Variants in ELAPOR1 observed in about 807,000 individuals in gnomAD.
ELAPOR1 encodes endosome/lysosome-associated apoptosis and autophagy regulator 1.
In ELAPOR1, 77 loss-of-function variants were observed where a neutral mutation model predicts 119.7. That is an observed-to-expected ratio of 0.64 (90% confidence interval 0.54 to 0.78). The LOEUF (loss-of-function observed/expected upper bound fraction) is 0.78, where lower values mean the gene tolerates loss of function less well. Among genes scored for constraint, ELAPOR1 ranks in the 30% least tolerant of loss-of-function variants. ELAPOR1 has a pLI of 0.00. For synonymous variants in ELAPOR1, 481 were observed against 487.2 expected (o/e 0.99, Z 0.17); for missense variants, 1,115 against 1,270.4 (o/e 0.88, Z 1.86).
chr1:109,203,186 G>C lies in ELAPOR1; in HGVS notation c.*174G>C. The stretch of plus-strand genomic sequence containing the variant: ...ATAGAGTACCCAAACCCTCCTTTCT[G>C]CTTGCCTCAAACCTGCCAAATATAC... On this transcript the variant is annotated 3_prime_UTR_variant, in exon 22 of 22. Coordinates refer to ENST00000369939, the MANE Select transcript of ELAPOR1 (RefSeq NM_020775.5). The C allele has an allele frequency of 1.8e-6, 1 of 560,344 alleles. No homozygotes were observed. Among genetic ancestry groups the C allele is most frequent in the Non-Finnish European group, 3.2e-6 (1 of 315,098 alleles). 34.7% of individuals were successfully genotyped at this position (560,344 alleles called of 1,614,324 possible).
chr1:109,115,865 T>C (rs947719668), intron 1 of ELAPOR1, among the ~76,000 whole-genome samples: 1 of 152,204 alleles, frequency 6.6e-6, no homozygotes, highest in African/African-American at 2.4e-5. Context: ...TGACCTGTTT[T>C]AGAGATCGCA....
intron 3 of ELAPOR1, among the ~76,000 whole-genome samples, chr1:109,170,339 A>G (rs1651848838): frequency 6.6e-6 from 1 of 152,198 alleles, no homozygotes; most frequent in Non-Finnish European, 1.5e-5. Context: ...AGTGTTCATT[A>G]CACCATTGTA....
At chr1:109,187,107 G>A (rs1232524264) in intron 8 of ELAPOR1, 3 of 985,338 alleles carry the variant, frequency 3.0e-6, no homozygotes, top group Non-Finnish European at 3.6e-6. Flanking sequence ...AAAATCAAGG[G>A]ACACACCTCG....
chr1:109,200,112 G>T lies in ELAPOR1; in HGVS notation c.2682G>T (p.Leu894=). 6.2e-7 allele frequency: 1 copy of T among 1,614,206 alleles called. No homozygotes were observed. Among genetic ancestry groups the T allele is most frequent in the Admixed American group, 1.7e-5 (1 of 60,022 alleles). Residue 894 remains leucine, a synonymous_variant, in exon 20 of 22, where the codon CTG becomes CTT. Coordinates refer to ENST00000369939, the MANE Select transcript of ELAPOR1 (RefSeq NM_020775.5). ...AGCTATGCTCTGGTGGCATTTCTCTGCCTGAGCAGAGAGTCACCATCTGCA... is the reference window on the plus strand; with the variant it reads ...AGCTATGCTCTGGTGGCATTTCTCTTCCTGAGCAGAGAGTCACCATCTGCA... The part of the protein sequence containing the change: ...EPKLCSGGIS[L]PEQRVTICKT...
At chr1:109,160,886 T>C (rs1318242953) in intron 1 of ELAPOR1, among the ~76,000 whole-genome samples, 1 of 152,194 alleles carries the variant, frequency 6.6e-6, no homozygotes, top group Non-Finnish European at 1.5e-5. Context: ...TTGTTCTGAG[T>C]GGAACTGTTT....
intron 1 of ELAPOR1, among the ~76,000 whole-genome samples, chr1:109,142,263 A>G (rs1649874641): frequency 1.3e-5 from 2 of 152,254 alleles, no homozygotes; most frequent in Non-Finnish European, 2.9e-5. Flanking sequence ...AGAAAAGACT[A>G]GGACTTTAAT....
rs1653419606 is a variant in ELAPOR1 at position 109,191,360 on chromosome 1, C to T, written c.1440-6C>T. 6.2e-7 allele frequency: 1 copy of T among 1,610,714 alleles called. No individual in the cohort carries two copies. The highest frequency in any genetic ancestry group is 1.7e-5 in the Admixed American group (1 of 60,000). ...TAGAACTGACTTTTAATTTCTGCCC[C>T]TACAGACCTCCGCAGTCGGTGATGG... On this transcript the variant is annotated splice_region_variant and splice_polypyrimidine_tract_variant and intron_variant, in intron 11 of 21. Transcript: ENST00000369939.
intron 7 of ELAPOR1, among the ~76,000 whole-genome samples, chr1:109,175,205 T>G (rs1215190241): frequency 2.6e-5 from 4 of 151,958 alleles, no homozygotes; most frequent in Admixed American, 6.6e-5. Context: ...TATTTTTATT[T>G]TTTTTTGAGA....
At chr1:109,181,751 T>G in intron 7 of ELAPOR1, among the ~76,000 whole-genome samples, 1 of 152,146 alleles carries the variant, frequency 6.6e-6, no homozygotes. Flanking sequence ...TTGGGCCTCC[T>G]GCTTGGTAAC....
At chr1:109,132,025 T>C (rs1050686397) in intron 1 of ELAPOR1, among the ~76,000 whole-genome samples, 3 of 152,184 alleles carry the variant, frequency 2.0e-5, no homozygotes, top group African/African-American at 7.2e-5. Context: ...TGACTTGTGT[T>C]TTTTGAGCAG....
At chr1:109,138,290 G>A (rs1242090670) in intron 1 of ELAPOR1, among the ~76,000 whole-genome samples, 1 of 152,200 alleles carries the variant, frequency 6.6e-6, no homozygotes, top group Non-Finnish European at 1.5e-5. Context: ...GACACTTGGT[G>A]ATGGCTGAGG....
chr1:109,185,340 C>T (rs546679976), intron 8 of ELAPOR1, among the ~76,000 whole-genome samples: 45 of 152,194 alleles, frequency 3.0e-4, no homozygotes, highest in African/African-American at 9.9e-4. Context: ...GTTTTTGCAG[C>T]GTTTGTTTCA....
chr1:109,177,513 G>A (rs968065212), intron 7 of ELAPOR1, among the ~76,000 whole-genome samples: 2 of 114,794 alleles, frequency 1.7e-5, no homozygotes, highest in Admixed American at 8.5e-5. Context: ...GCCGGGAAGA[G>A]GCGCTCCTCA....
intron 2 of ELAPOR1, 60 bp downstream of exon 2, chr1:109,162,074 C>G (rs1009997690): frequency 6.4e-7 from 1 of 1,553,524 alleles, no homozygotes; most frequent in Non-Finnish European, 8.8e-7. Flanking sequence ...TCCCCCAAGT[C>G]TCCTGCCATC....
intron 1 of ELAPOR1, among the ~76,000 whole-genome samples, chr1:109,147,259 CAGTT>C (rs1208634395): frequency 6.6e-6 from 1 of 151,870 alleles, no homozygotes; most frequent in African/African-American, 2.4e-5. Flanking sequence ...CACAATTAAA[CAGTT>C]AGTCTAAAAT....
chr1:109,194,663 A>C, intron 15 of ELAPOR1, 69 bp downstream of exon 15: 1 of 1,467,604 alleles, frequency 6.8e-7, no homozygotes, highest in Non-Finnish European at 9.5e-7. Flanking sequence ...CCAGAGACAG[A>C]CACAGGAGAA....
At chr1:109,187,197 G>A (rs1276873103) in intron 8 of ELAPOR1, 1 of 985,316 alleles carries the variant, frequency 1.0e-6, no homozygotes, top group Non-Finnish European at 1.2e-6. Flanking sequence ...CATCCATTGG[G>A]GTCAGTGAAT....
chr1:109,189,332 C>A, intron 10 of ELAPOR1, 138 bp downstream of exon 10: 1 of 1,131,252 alleles, frequency 8.8e-7, no homozygotes. Context: ...AGTTCCACTC[C>A]TCATGGACAT....
chr1:109,114,413 C>A (rs890669291), intron 1 of ELAPOR1, 77 bp downstream of exon 1: 6 of 1,439,588 alleles, frequency 4.2e-6, no homozygotes, highest in Middle Eastern at 1.8e-4. Flanking sequence ...GGGACCCAGG[C>A]GCAGAGAGTT....
Sources: allele counts gnomAD v4.1 joint callset (sites outside exome capture counted in the v4.1 genomes callset), GRCh38; gene constraint gnomAD v4.1.1; transcripts MANE v1.5; gene names NCBI Gene and HGNC (gene_info 2026-07-23, HGNC 2026-07-21).